The following BCO2 variants were observed in gnomAD, a reference collection of about 807,000 sequenced individuals.
The protein encoded by BCO2 is carotenoid-cleaving dioxygenase, mitochondrial.
Under a neutral mutation model 65.8 loss-of-function variants are expected in BCO2, and 56 were observed. That is an observed-to-expected ratio of 0.85 (90% CI 0.69 to 1.06). The LOEUF (loss-of-function observed/expected upper bound fraction) is 1.06, where lower values mean the gene tolerates loss of function less well. BCO2 is among the 50% of genes least tolerant of loss of function. The pLI, the probability that BCO2 is intolerant of heterozygous loss-of-function variation, is 0.00. For missense variants in BCO2, 675 were observed against 698.5 expected, an observed-to-expected ratio of 0.97 and a Z score of 0.38; for synonymous variants, 233 against 242.3, an observed-to-expected ratio of 0.96 and a Z score of 0.36.
At chr11:112,177,140 T>A (rs1866907726) in intron 1 of BCO2, among the ~76,000 whole-genome samples, 1 of 152,192 alleles carries the variant, frequency 6.6e-6, no homozygotes, top group Non-Finnish European at 1.5e-5. Flanking sequence ...TGAGTAAAAT[T>A]ACATACCTGA....
chr11:112,195,412 C>T (rs1867542500), intron 5 of BCO2, among the ~76,000 whole-genome samples: 1 of 152,132 alleles, frequency 6.6e-6, no homozygotes, highest in African/African-American at 2.4e-5. Context: ...GGATTACAGG[C>T]GTGAGTCACT....
chr11:112,188,298 A>G (rs538741304), intron 2 of BCO2, among the ~76,000 whole-genome samples: 5 of 152,196 alleles, frequency 3.3e-5, no homozygotes, highest in South Asian at 2.1e-4. Context: ...GTCATCTCTG[A>G]CTTGTTTCTG....
chr11:112,204,704 C>G (rs561582690), intron 8 of BCO2, among the ~76,000 whole-genome samples: 5 of 152,130 alleles, frequency 3.3e-5, no homozygotes, highest in Non-Finnish European at 5.9e-5. Flanking sequence ...CAGAGTTTTG[C>G]TCTTGTTGCC....
At chr11:112,178,052 G>A (rs546448681) in intron 1 of BCO2, among the ~76,000 whole-genome samples, 102 of 151,820 alleles carry the variant, frequency 6.7e-4, no homozygotes, top group African/African-American at 2.2e-3. Flanking sequence ...GGGATTACAG[G>A]GGTCGGCCAA....
At chr11:112,192,983 T>TTTA (rs1418598742) in intron 2 of BCO2, among the ~76,000 whole-genome samples, 2 of 133,314 alleles carry the variant, frequency 1.5e-5, no homozygotes, top group African/African-American at 5.7e-5. Flanking sequence ...TTATTCTTTT[T>TTTA]TTTTTTTTTT....
intron 8 of BCO2, among the ~76,000 whole-genome samples, chr11:112,209,666 A>G (rs762418912): frequency 2.0e-5 from 3 of 152,094 alleles, no homozygotes; most frequent in Non-Finnish European, 4.4e-5. Context: ...TTTTTTCTGC[A>G]CTATTGAGAT....
chr11:112,216,167 A>G, intron 10 of BCO2, 53 bp from the exon 11 acceptor site: 1 of 1,215,094 alleles, frequency 8.2e-7, no homozygotes, highest in South Asian at 1.2e-5. Flanking sequence ...AGCCATAGAA[A>G]GCTCCCTACT....
In BCO2 at chr11:112,200,709, A is replaced by G. The variant is rs777468697; in HGVS notation, c.962A>G (p.Asp321Gly). 5.0e-6 allele frequency: 8 copies of G among 1,613,884 alleles called. No homozygotes were observed. In the Admixed American group the frequency reaches 1.2e-4, roughly 24 times the overall value. The change falls in exon 7 of 12, where the codon GAT becomes GGT. Residue 321 changes from aspartate (D) to glycine (G), a missense_variant. Coordinates refer to ENST00000357685, the MANE Select transcript of BCO2 (RefSeq NM_031938.7). The stretch of plus-strand genomic sequence containing the variant: ...AAAATTCGGGGAAAGGCCTTTTCAG[A>G]TGGGATAAGCTGGGAACCCCAGTGT... ...TSKIRGKAFS[D>G]GISWEPQCNT... is the part of the protein sequence containing the mutation.
In BCO2 at chr11:112,216,262, G is replaced by T. The variant is rs767481704; in HGVS notation, c.1558G>T (p.Val520Phe). Residue 520 changes from valine to phenylalanine, a missense_variant, in exon 11 of 12, where the codon GTT becomes TTT. Val to Phe is a conservative substitution (Grantham distance 50, BLOSUM62 -1). Coordinates refer to ENST00000357685, the MANE Select transcript of BCO2 (RefSeq NM_031938.7). ...CTTTTATCCCTCAGAACCTGTTTTT[G>T]TTCCAGCACCAGGAACCAATGAAGA... ...DGFYPSEPVF[V>F]PAPGTNEEDG... 17 of 1,614,002 alleles carry T rather than the reference G, an allele frequency of 1.1e-5. No homozygotes were observed. The highest frequency in any genetic ancestry group is 9.9e-5 in the South Asian group (9 of 91,090).
rs775601705 is a variant in BCO2, at chr11:112,194,712, G to A, written c.693G>A (p.Leu231=). The A allele has an allele frequency of 2.0e-5, 33 of 1,612,528 alleles. No individual in the cohort carries two copies. In the African/African-American group the frequency reaches 2.1e-4, roughly 10 times the overall value. ...NGATAHPHYD[L]DGTAYNMGNS... ...CAACTGCACATCCTCATTATGACCT[G>A]GATGGAACAGCATACAATATGGGGA... Residue 231 remains leucine (L), a synonymous_variant, in exon 5 of 12, where the codon CTG becomes CTA. Transcript: ENST00000357685.
rs568817855 is a variant in BCO2, at chr11:112,192,543, G to A, written c.294-931G>A. On this transcript the variant is annotated intron_variant, in intron 2 of 11. Transcript: ENST00000357685. Reference sequence around the variant, plus strand: ...CAAAAATGATTATCTAGGAAGGACAGTTATCTTATTTGTCTACTTTAGCAT... The same window carrying A: ...CAAAAATGATTATCTAGGAAGGACAATTATCTTATTTGTCTACTTTAGCAT... Among the ~76,000 whole-genome samples the A allele has an allele frequency of 2.6e-5, 4 of 152,086 alleles. No individual in the cohort carries two copies. The East Asian group carries it at 5.8e-4, about 22-fold the overall frequency.
chr11:112,190,122 C>T (rs1402487005), intron 2 of BCO2, among the ~76,000 whole-genome samples: 1 of 151,878 alleles, frequency 6.6e-6, no homozygotes, highest in African/African-American at 2.4e-5. Context: ...TCCATCTTTA[C>T]AAAAAAATTA....
intron 8 of BCO2, among the ~76,000 whole-genome samples, chr11:112,205,481 G>A (rs755564425): frequency 2.0e-5 from 3 of 152,072 alleles, no homozygotes; most frequent in African/African-American, 4.8e-5. Context: ...TTAGGGACAG[G>A]ATCTCACTCT....
At chr11:112,203,956 T>A (rs1253637362) in intron 8 of BCO2, among the ~76,000 whole-genome samples, 1 of 151,894 alleles carries the variant, frequency 6.6e-6, no homozygotes, top group Non-Finnish European at 1.5e-5. Context: ...CGGGTTCAAG[T>A]GATTCTCCTA....
intron 8 of BCO2, among the ~76,000 whole-genome samples, chr11:112,206,399 C>T (rs1464273093): frequency 2.0e-5 from 3 of 152,044 alleles, no homozygotes; most frequent in South Asian, 4.2e-4. Context: ...GACGGGGCGG[C>T]GGCCGGCTTT....
chr11:112,176,526 G>C (rs1361447305), intron 1 of BCO2: 1 of 122,368 alleles, frequency 8.2e-6, no homozygotes, highest in African/African-American at 3.0e-5. Flanking sequence ...GCGGGGGGGG[G>C]GGAATTAAAC....
intron 8 of BCO2, among the ~76,000 whole-genome samples, chr11:112,212,287 G>A (rs1346005871): frequency 1.3e-5 from 2 of 152,144 alleles, no homozygotes; most frequent in Non-Finnish European, 2.9e-5. Flanking sequence ...GAGAAGCTGT[G>A]TTGGGAGTTC....
intron 2 of BCO2, 109 bp downstream of exon 2, chr11:112,179,591 C>A: frequency 9.9e-7 from 1 of 1,012,172 alleles, no homozygotes; most frequent in South Asian, 1.5e-5. Context: ...CATTCCATCC[C>A]TTTGATTACA....
chr11:112,206,537 T>C (rs1859345426), intron 8 of BCO2, among the ~76,000 whole-genome samples: 1 of 152,198 alleles, frequency 6.6e-6, no homozygotes, highest in African/African-American at 2.4e-5. Flanking sequence ...GGTGGGAGGA[T>C]TGCTTGAGCC....
Sources: allele counts gnomAD v4.1 joint callset (sites outside exome capture counted in the v4.1 genomes callset), GRCh38; gene constraint gnomAD v4.1.1; transcripts MANE v1.5; gene names NCBI Gene and HGNC (gene_info 2026-07-23, HGNC 2026-07-21).